The following UMAD1 variants were observed in gnomAD, a reference collection of about 807,000 sequenced individuals.
UMAD1 encodes UBAP1-MVB12-associated (UMA)-domain containing protein 1.
In UMAD1, 8 loss-of-function variants were observed where a neutral mutation model predicts 6.1. The ratio of observed to expected loss-of-function variants is 1.30; its 90% CI spans 0.76 to 2.35. The LOEUF is 2.35. UMAD1 is among the 30% of genes most tolerant of loss of function. The pLI, the probability that UMAD1 is intolerant of heterozygous loss-of-function variation, is 0.00. For synonymous variants in UMAD1, 56 were observed against 31.4 expected (o/e 1.78, Z -2.61); for missense variants, 130 against 78.4 (o/e 1.66, Z -2.49).
intron 2 of UMAD1, among the ~76,000 whole-genome samples, chr7:7,757,160 C>T (rs947659850): frequency 1.5e-4 from 23 of 152,140 alleles, no homozygotes; most frequent in South Asian, 2.1e-4. Context: ...AAGCAACTAT[C>T]AATTATATTA....
At chr7:7,754,933 A>T (rs1194564202) in intron 2 of UMAD1, among the ~76,000 whole-genome samples, 1 of 152,104 alleles carries the variant, frequency 6.6e-6, no homozygotes, top group Non-Finnish European at 1.5e-5. Flanking sequence ...GATTTATTTC[A>T]TTTAGTTATT....
intron 2 of UMAD1, among the ~76,000 whole-genome samples, chr7:7,686,848 A>G (rs759678443): frequency 1.3e-5 from 2 of 152,158 alleles, no homozygotes; most frequent in Non-Finnish European, 2.9e-5. Context: ...ATTCTAGGAA[A>G]TCTTTTAAAA....
chr7:7,653,456 A>C (rs1463260032), intron 1 of UMAD1, among the ~76,000 whole-genome samples: 8 of 152,240 alleles, frequency 5.3e-5, no homozygotes, highest in Non-Finnish European at 1.2e-4. Flanking sequence ...GATGCTAGTT[A>C]GCATCCTTCT....
chr7:7,768,664 AT>A (rs776383629), intron 2 of UMAD1, among the ~76,000 whole-genome samples: 7 of 151,712 alleles, frequency 4.6e-5, no homozygotes, highest in African/African-American at 1.7e-4. Flanking sequence ...GACAAGTGTT[AT>A]TTTTTTTCCT....
At chr7:7,851,251 T>C (rs912234654) in intron 3 of UMAD1, among the ~76,000 whole-genome samples, 16 of 152,352 alleles carry the variant, frequency 1.1e-4, no homozygotes, top group African/African-American at 3.6e-4. Context: ...ATTCCTTTTA[T>C]TGTTGTATAA....
At chr7:7,658,626 T>G (rs1049438395) in intron 1 of UMAD1, among the ~76,000 whole-genome samples, 2 of 152,226 alleles carry the variant, frequency 1.3e-5, no homozygotes, top group Admixed American at 6.5e-5. Flanking sequence ...TTGATTTGTG[T>G]ATGTTGAACC....
chr7:7,840,214 G>A (rs957613066), intron 3 of UMAD1, among the ~76,000 whole-genome samples: 4 of 152,108 alleles, frequency 2.6e-5, no homozygotes, highest in African/African-American at 9.7e-5. Flanking sequence ...TAGTGTCAGG[G>A]TCTAAGATGA....
intron 1 of UMAD1, among the ~76,000 whole-genome samples, chr7:7,670,743 T>C (rs1779586175): frequency 6.6e-6 from 1 of 152,182 alleles, no homozygotes; most frequent in Non-Finnish European, 1.5e-5. Context: ...CCTTTACCCT[T>C]ACACCCTGGT....
Position 7,877,706 on chromosome 7 carries a change from G to T in UMAD1, c.*168G>T. 1.7e-6 allele frequency: 1 copy of T among 573,438 alleles called. No homozygotes were observed. The highest frequency in any genetic ancestry group is 2.3e-5 in the South Asian group (1 of 43,458). 35.5% of individuals were successfully genotyped at this position (573,438 alleles called of 1,614,324 possible). A position where few individuals can be genotyped will look rare whatever the true frequency, so the allele number is the denominator to read the frequency against. On this transcript the variant is annotated 3_prime_UTR_variant, in exon 4 of 4. Transcript: ENST00000682710. Reference sequence around the variant, plus strand: ...CTATTTTTAAGAAAAAGGTACATTTGTATACAAATTGAACTTAAGTTCTAC... The same window carrying T: ...CTATTTTTAAGAAAAAGGTACATTTTTATACAAATTGAACTTAAGTTCTAC...
At chr7:7,803,614 A>G (rs1782846749) in intron 3 of UMAD1, among the ~76,000 whole-genome samples, 1 of 152,156 alleles carries the variant, frequency 6.6e-6, no homozygotes, top group African/African-American at 2.4e-5. Context: ...TGGATACCTT[A>G]TGAACAACAG....
intron 2 of UMAD1, among the ~76,000 whole-genome samples, chr7:7,700,575 A>G (rs897142685): frequency 4.0e-5 from 6 of 150,886 alleles, no homozygotes; most frequent in Non-Finnish European, 7.4e-5. Context: ...AATAAAAACA[A>G]CAAACAAACA....
chr7:7,680,113 G>A (rs976766228), intron 2 of UMAD1, among the ~76,000 whole-genome samples: 4 of 151,944 alleles, frequency 2.6e-5, no homozygotes, highest in African/African-American at 9.7e-5. Context: ...AGAAATCTTT[G>A]TTCAGATTAC....
At chr7:7,714,712 G>A (rs1780849559) in intron 2 of UMAD1, among the ~76,000 whole-genome samples, 1 of 152,140 alleles carries the variant, frequency 6.6e-6, no homozygotes, top group African/African-American at 2.4e-5. Flanking sequence ...GCAAATAAAG[G>A]CCTCAGCTGA....
At chr7:7,755,306 C>T (rs951755138) in intron 2 of UMAD1, among the ~76,000 whole-genome samples, 1 of 152,098 alleles carries the variant, frequency 6.6e-6, no homozygotes, top group African/African-American at 2.4e-5. Flanking sequence ...ATTTTTCCTT[C>T]CCAATAGCAC....
chr7:7,747,488 T>TAG (rs377500639), intron 2 of UMAD1, among the ~76,000 whole-genome samples: 1 of 152,326 alleles, frequency 6.6e-6, no homozygotes, highest in African/African-American at 2.4e-5. Context: ...CACAGAGTAG[T>TAG]AGAGGATGGC....
At chr7:7,773,194 T>A (rs1208820192) in intron 2 of UMAD1, among the ~76,000 whole-genome samples, 3 of 152,254 alleles carry the variant, frequency 2.0e-5, no homozygotes, top group Non-Finnish European at 2.9e-5. Context: ...TAATGCATTT[T>A]AAAAAGTGAC....
At position 7,854,055 on chromosome 7, in the gene UMAD1, T is replaced by A. The variant is rs143234845; in HGVS notation, c.157-23226T>A. Among the ~76,000 whole-genome samples the A allele has an allele frequency of 7.7e-3, 1,164 of 152,072 alleles. 6 individuals are homozygous for A. The highest frequency in any genetic ancestry group is 0.031 in the Middle Eastern group (9 of 294). ...AAGGAAATACCTGAGATTGGACAAT[T>A]TATAAAGAAAAGAGGTTTAGCCAGG... On this transcript the variant is annotated intron_variant, in intron 3 of 3. Coordinates refer to ENST00000682710, the MANE Select transcript of UMAD1 (RefSeq NM_001302348.2).
chr7:7,769,927 C>A (rs749007377), intron 2 of UMAD1, among the ~76,000 whole-genome samples: 7 of 152,206 alleles, frequency 4.6e-5, no homozygotes, highest in Non-Finnish European at 1.0e-4. Flanking sequence ...CCTTTGCAAC[C>A]AACTTTCCTC....
chr7:7,666,474 CT>C (rs1163756355), intron 1 of UMAD1, among the ~76,000 whole-genome samples: 1 of 151,992 alleles, frequency 6.6e-6, no homozygotes. Flanking sequence ...TCCCAAAGTA[CT>C]GGAATTACAG....
Sources: gnomAD v4.1 joint callset for allele counts (sites outside exome capture counted in the v4.1 genomes callset) on GRCh38, gnomAD v4.1.1 for gene constraint, MANE v1.5 for transcripts, NCBI Gene and HGNC (gene_info 2026-07-23, HGNC 2026-07-21) for gene names.